The following COX7B2 variants were observed in gnomAD, a reference collection of about 807,000 sequenced individuals.
COX7B2 encodes the protein cytochrome c oxidase subunit 7B2, also known as cytochrome c oxidase subunit 7B2, mitochondrial.
For synonymous variants in COX7B2, 37 were observed against 32.1 expected (o/e 1.15, Z -0.51); for missense variants, 109 against 95.9 (o/e 1.14, Z -0.57).
rs756924136 is a variant in COX7B2, at chr4:46,852,959, G to A, written c.-104-7945C>T. 3.4e-4 allele frequency among the ~76,000 whole-genome samples: 52 copies of A among 152,170 alleles called. 1 individual carries two copies. Among genetic ancestry groups the A allele is most frequent in the Non-Finnish European group, 6.3e-4 (43 of 68,018 alleles). ...CAAGGCGGTTGTGGTGTGCCTTACAGAGAACATATGTATGTTAGATAAGCT... is the reference window on the plus strand; with the variant it reads ...CAAGGCGGTTGTGGTGTGCCTTACAAAGAACATATGTATGTTAGATAAGCT... On this transcript the variant is annotated intron_variant, in intron 1 of 2. Transcript: ENST00000355591.
chr4:46,786,599 A>AT (rs141535796), intron 2 of COX7B2, among the ~76,000 whole-genome samples: 8 of 152,142 alleles, frequency 5.3e-5, no homozygotes, highest in East Asian at 1.9e-4. Context: ...GTTCACATAT[A>AT]TTTTTTCTTT....
chr4:46,762,265 AT>A (rs1029989640), intron 2 of COX7B2, among the ~76,000 whole-genome samples: 3 of 141,424 alleles, frequency 2.1e-5, no homozygotes, highest in African/African-American at 7.8e-5. Flanking sequence ...TATATAATAT[AT>A]TTAATATATA....
At chr4:46,762,616 T>A (rs1716255528) in intron 2 of COX7B2, among the ~76,000 whole-genome samples, 1 of 149,360 alleles carries the variant, frequency 6.7e-6, no homozygotes, top group Non-Finnish European at 1.5e-5. Flanking sequence ...GTAGAGAGCA[T>A]AGAAAATCTG....
intron 2 of COX7B2, among the ~76,000 whole-genome samples, chr4:46,744,701 T>C (rs971849242): frequency 6.6e-6 from 1 of 151,728 alleles, no homozygotes; most frequent in African/African-American, 2.4e-5. Flanking sequence ...ACAGGAAACA[T>C]TGGCCTGTTT....
At chr4:46,846,430 A>C (rs909140381) in intron 1 of COX7B2, among the ~76,000 whole-genome samples, 3 of 152,010 alleles carry the variant, frequency 2.0e-5, no homozygotes, top group African/African-American at 7.2e-5. Flanking sequence ...CTTGGAACAC[A>C]GGAAGGAAAA....
At chr4:46,823,609 G>A (rs1714458368) in intron 2 of COX7B2, among the ~76,000 whole-genome samples, 1 of 150,764 alleles carries the variant, frequency 6.6e-6, no homozygotes, top group Non-Finnish European at 1.5e-5. Flanking sequence ...TTCAGCTAAG[G>A]TGGTATTAGA....
intron 2 of COX7B2, among the ~76,000 whole-genome samples, chr4:46,738,753 G>C (rs1714523313): frequency 6.6e-6 from 1 of 152,036 alleles, no homozygotes; most frequent in Non-Finnish European, 1.5e-5. Flanking sequence ...GTTTCTGAAA[G>C]TAGATCTTTC....
chr4:46,825,012 A>G (rs755727998), intron 2 of COX7B2, among the ~76,000 whole-genome samples: 4 of 152,126 alleles, frequency 2.6e-5, no homozygotes, highest in Non-Finnish European at 4.4e-5. Context: ...CATCTTCAAC[A>G]CAATATTGGA....
At chr4:46,856,703 C>G (rs1376679691) in intron 1 of COX7B2, among the ~76,000 whole-genome samples, 1 of 152,082 alleles carries the variant, frequency 6.6e-6, no homozygotes, top group Non-Finnish European at 1.5e-5. Flanking sequence ...TAGTTGAAAG[C>G]CAAAACTACC....
intron 1 of COX7B2, among the ~76,000 whole-genome samples, chr4:46,861,627 T>C (rs575474501): frequency 6.6e-6 from 1 of 152,230 alleles, no homozygotes; most frequent in Non-Finnish European, 1.5e-5. Flanking sequence ...TATAAAACTA[T>C]TTTTACAATT....
chr4:46,746,278 C>T (rs918840559), intron 2 of COX7B2, among the ~76,000 whole-genome samples: 17 of 152,134 alleles, frequency 1.1e-4, no homozygotes, highest in African/African-American at 3.6e-4. Flanking sequence ...ATACACAGAA[C>T]CCAATACTCC....
intron 2 of COX7B2, among the ~76,000 whole-genome samples, chr4:46,797,981 C>T (rs1231398061): frequency 1.3e-5 from 2 of 152,228 alleles, no homozygotes; most frequent in Admixed American, 6.5e-5. Context: ...ACTGGCCAGC[C>T]CCAGGTCTTA....
intron 2 of COX7B2, 44 bp downstream of exon 2, chr4:46,844,915 AG>A (rs961855141): frequency 1.3e-5 from 2 of 151,982 alleles, no homozygotes; most frequent in Non-Finnish European, 2.9e-5. Flanking sequence ...ACTTTGTGAA[AG>A]TGTAATGTAG....
chr4:46,860,701 A>G (rs1319725263), intron 1 of COX7B2, among the ~76,000 whole-genome samples: 1 of 152,016 alleles, frequency 6.6e-6, no homozygotes, highest in Non-Finnish European at 1.5e-5. Flanking sequence ...CTCTAATGCC[A>G]TTTTATTTTT....
chr4:46,840,117 T>C (rs1309069301), intron 2 of COX7B2, among the ~76,000 whole-genome samples: 2 of 151,876 alleles, frequency 1.3e-5, no homozygotes, highest in Non-Finnish European at 2.9e-5. Context: ...AAAGTCTCAG[T>C]AATTTCTGGC....
At chr4:46,783,316 T>C (rs1717582373) in intron 2 of COX7B2, among the ~76,000 whole-genome samples, 1 of 152,134 alleles carries the variant, frequency 6.6e-6, no homozygotes, top group Admixed American at 6.5e-5. Flanking sequence ...TTTTGTAAAA[T>C]GGAAAAAGGC....
intron 2 of COX7B2, among the ~76,000 whole-genome samples, chr4:46,831,480 CGGGATCCACTG>C (rs1456460267): frequency 1.3e-5 from 2 of 152,202 alleles, no homozygotes; most frequent in Non-Finnish European, 2.9e-5. Flanking sequence ...GGCCCCAGTG[CGGGATCCACTG>C]GGTGAAGCCA....
At chr4:46,790,806 A>ACCTC (rs1553885451) in intron 2 of COX7B2, among the ~76,000 whole-genome samples, 1 of 152,048 alleles carries the variant, frequency 6.6e-6, no homozygotes, top group Non-Finnish European at 1.5e-5. Context: ...GGAACTATTA[A>ACCTC]CCTCCTAATT....
intron 2 of COX7B2, among the ~76,000 whole-genome samples, chr4:46,780,370 A>G (rs73139365): frequency 0.032 from 4,932 of 152,246 alleles, 197 homozygotes; most frequent in African/African-American, 0.098. Flanking sequence ...ACAAAAAATT[A>G]GCAGGGCGTG....
Sources: allele counts gnomAD v4.1 joint callset (sites outside exome capture counted in the v4.1 genomes callset), GRCh38; gene constraint gnomAD v4.1.1; transcripts MANE v1.5; gene names NCBI Gene and HGNC (gene_info 2026-07-23, HGNC 2026-07-21).